Variants in ORC4 observed in about 807,000 individuals in gnomAD.
ORC4 encodes origin recognition complex subunit 4.
ORC4 carries 55 observed loss-of-function variants against 63.9 expected under a neutral mutation model. The ratio of observed to expected loss-of-function variants is 0.86; its 90% CI spans 0.69 to 1.08. ORC4 has a LOEUF of 1.08. Among genes scored for constraint, ORC4 ranks in the 50% least tolerant of loss-of-function variants. The pLI is 0.00. For synonymous variants in ORC4, 150 were observed against 168.5 expected (o/e 0.89, Z 0.85); for missense variants, 511 against 504.4 (o/e 1.01, Z -0.13).
At chr2:147,939,736 A>G (rs1408249825) in intron 10 of ORC4, among the ~76,000 whole-genome samples, 1 of 152,176 alleles carries the variant, frequency 6.6e-6, no homozygotes, top group African/African-American at 2.4e-5. Context: ...ATTTATACTC[A>G]GGAATAACTC....
intron 6 of ORC4, among the ~76,000 whole-genome samples, chr2:147,956,073 C>A (rs1689233937): frequency 6.6e-6 from 1 of 151,744 alleles, no homozygotes; most frequent in African/African-American, 2.4e-5. Context: ...GGGTAGAAGC[C>A]CCATTAAAAT....
At chr2:148,017,346 C>T (rs1228001032) in intron 1 of ORC4, among the ~76,000 whole-genome samples, 5 of 152,160 alleles carry the variant, frequency 3.3e-5, no homozygotes, top group Non-Finnish European at 7.3e-5. Context: ...TTAAAACTGC[C>T]ATATAAAATA....
chr2:148,003,906 CAA>C (rs1361973871), intron 1 of ORC4, among the ~76,000 whole-genome samples: 5 of 152,308 alleles, frequency 3.3e-5, no homozygotes, highest in African/African-American at 1.2e-4. Flanking sequence ...GCAATTTCAG[CAA>C]AGTGTCAGGA....
chr2:147,951,653 A>C (rs921202092), intron 8 of ORC4: 1 of 152,194 alleles, frequency 6.6e-6, no homozygotes. Flanking sequence ...GAGATAAATA[A>C]ACTTCTTTTC....
At chr2:147,996,740 A>G (rs946944099) in intron 1 of ORC4, among the ~76,000 whole-genome samples, 2 of 152,244 alleles carry the variant, frequency 1.3e-5, no homozygotes, top group Non-Finnish European at 2.9e-5. Flanking sequence ...GCTAAATCCA[A>G]AACAATGACA....
intron 11 of ORC4, 149 bp downstream of exon 11, chr2:147,938,991 C>A: frequency 1.6e-6 from 1 of 607,626 alleles, no homozygotes; most frequent in Non-Finnish European, 3.0e-6. Flanking sequence ...AGTGATAGTA[C>A]CTTTAAAAGG....
chr2:147,958,254 T>C, intron 6 of ORC4, 44 bp downstream of exon 6: 1 of 1,238,344 alleles, frequency 8.1e-7, no homozygotes, highest in Non-Finnish European at 1.2e-6. Context: ...ATAAAGACAT[T>C]ACCTTAAAAG....
At chr2:147,975,208 TC>T (rs1690477203) in intron 2 of ORC4, among the ~76,000 whole-genome samples, 1 of 152,114 alleles carries the variant, frequency 6.6e-6, no homozygotes, top group African/African-American at 2.4e-5. Flanking sequence ...TCCCTACTAA[TC>T]TATAAGCTTC....
At chr2:147,935,765 C>T (rs779132038) in intron 13 of ORC4, 67 bp from the exon 14 acceptor site, 2 of 1,332,526 alleles carry the variant, frequency 1.5e-6, no homozygotes, top group African/African-American at 1.4e-5. Context: ...TGTTCTCTCC[C>T]AGAGAACAGT....
intron 8 of ORC4, among the ~76,000 whole-genome samples, chr2:147,948,883 G>T (rs759121670): frequency 6.6e-6 from 1 of 150,992 alleles, no homozygotes; most frequent in Middle Eastern, 3.4e-3. Flanking sequence ...GACATCAAAA[G>T]CACAATAGGT....
chr2:148,004,217 T>C (rs1299478242), intron 1 of ORC4, among the ~76,000 whole-genome samples: 1 of 151,992 alleles, frequency 6.6e-6, no homozygotes, highest in Non-Finnish European at 1.5e-5. Context: ...GCTAAACCCA[T>C]CAAGCTACCA....
chr2:148,002,880 GAA>G (rs1225578761), intron 1 of ORC4, among the ~76,000 whole-genome samples: 2 of 151,852 alleles, frequency 1.3e-5, no homozygotes, highest in East Asian at 3.9e-4. Flanking sequence ...GACTAATAAA[GAA>G]AAGAGAGAAG....
Position 147,973,767 on chromosome 2 carries a change from A to T in ORC4, c.58-243T>A, listed in dbSNP as rs528665855. 1.2e-3 allele frequency among the ~76,000 whole-genome samples: 178 copies of T among 152,282 alleles called. 3 individuals are homozygous for T. The highest frequency in any genetic ancestry group is 1.2e-3 in the East Asian group (6 of 5,186). On this transcript the variant is annotated intron_variant, in intron 2 of 13. Coordinates refer to ENST00000392857, the MANE Select transcript of ORC4 (RefSeq NM_181741.4). The stretch of plus-strand genomic sequence containing the variant: ...AGTTGTGAAGGTTTCAACAAGAGGG[A>T]GAATCACTGACTTTAGCTATATTAG...
chr2:147,953,510 A>G (rs1689078605), intron 7 of ORC4, among the ~76,000 whole-genome samples: 1 of 152,240 alleles, frequency 6.6e-6, no homozygotes, highest in Non-Finnish European at 1.5e-5. Flanking sequence ...GGGAGTCACT[A>G]ATTAATGAAC....
At chr2:147,983,265 G>T (rs955791148) in intron 1 of ORC4, among the ~76,000 whole-genome samples, 1 of 152,158 alleles carries the variant, frequency 6.6e-6, no homozygotes, top group South Asian at 2.1e-4. Flanking sequence ...CCTGTAACAC[G>T]TATGTTCATG....
At chr2:147,936,238 A>G (rs1688043115) in intron 13 of ORC4, 1 of 156,818 alleles carries the variant, frequency 6.4e-6, no homozygotes, top group Admixed American at 6.2e-5. Context: ...GCTAGTATGG[A>G]CATGGAGGAG....
intron 1 of ORC4, among the ~76,000 whole-genome samples, chr2:148,008,827 C>A (rs1324761003): frequency 6.6e-6 from 1 of 152,138 alleles, no homozygotes; most frequent in Non-Finnish European, 1.5e-5. Flanking sequence ...CACCATTGTT[C>A]CATCTGTAAG....
intron 8 of ORC4, among the ~76,000 whole-genome samples, chr2:147,951,020 A>C (rs1688931148): frequency 6.6e-6 from 1 of 151,812 alleles, no homozygotes; most frequent in East Asian, 1.9e-4. Flanking sequence ...AGGAGGAATA[A>C]AGATATGTGG....
intron 1 of ORC4, among the ~76,000 whole-genome samples, chr2:148,017,866 G>C (rs1328402756): frequency 6.6e-6 from 1 of 152,136 alleles, no homozygotes; most frequent in Non-Finnish European, 1.5e-5. Context: ...CATTTCAAGT[G>C]CTCAAAAGCC....
Sources: allele counts gnomAD v4.1 joint callset (sites outside exome capture counted in the v4.1 genomes callset), GRCh38; gene constraint gnomAD v4.1.1; transcripts MANE v1.5; gene names NCBI Gene and HGNC (gene_info 2026-07-23, HGNC 2026-07-21).